Variants in TNFRSF4 observed in about 807,000 individuals in gnomAD.
The protein encoded by TNFRSF4 is TNF receptor superfamily member 4.
In TNFRSF4, 21 loss-of-function variants were observed where a neutral mutation model predicts 29.5. The ratio of observed to expected loss-of-function variants is 0.71; its 90% CI spans 0.51 to 1.03. The LOEUF (loss-of-function observed/expected upper bound fraction) is 1.03, where lower values mean the gene tolerates loss of function less well. Among genes scored for constraint, TNFRSF4 ranks in the 50% least tolerant of loss-of-function variants. TNFRSF4 has a pLI of 0.00. For missense variants in TNFRSF4, 408 were observed against 387.8 expected, an observed-to-expected ratio of 1.05 and a Z score of -0.44; for synonymous variants, 197 against 172.7, an observed-to-expected ratio of 1.14 and a Z score of -1.10.
intron 3 of TNFRSF4, 21 bp downstream of exon 3, chr1:1,212,971 G>T: frequency 6.3e-7 from 1 of 1,599,378 alleles, no homozygotes; most frequent in East Asian, 2.2e-5. Flanking sequence ...CCCAACCGCC[G>T]GCCGCAGCCA....
At chr1:1,212,597 C>G in intron 4 of TNFRSF4, 41 bp downstream of exon 4, 1 of 599,142 alleles carries the variant, frequency 1.7e-6, no homozygotes, top group Non-Finnish European at 2.4e-6. Context: ...ACCACCCCAA[C>G]CCCCCCCCAG....
chr1:1,212,844 C>T, intron 3 of TNFRSF4, 140 bp from the exon 4 acceptor site: 1 of 1,216,248 alleles, frequency 8.2e-7, no homozygotes, highest in Non-Finnish European at 1.1e-6. Context: ...TGCCCACATC[C>T]CACCCGTGGG....
In TNFRSF4 at chr1:1,212,658, C is replaced by T; in HGVS notation, c.417G>A (p.Gln139=). Residue 139 remains glutamine (Q), a synonymous_variant, in exon 4 of 7, where the codon CAG becomes CAA. Transcript: ENST00000379236. The part of the protein sequence containing the change: ...PPGHFSPGDN[Q]ACKPWTNCTL... The stretch of plus-strand genomic sequence containing the variant: ...CTCACTTGGTCCAGGGCTTGCAGGC[C>T]TGGTTGTCGCCTGGGGAGAAGTGCC... 6.5e-7 allele frequency: 1 copy of T among 1,540,330 alleles called. No homozygotes were observed. Among genetic ancestry groups the T allele is most frequent in the Non-Finnish European group, 8.7e-7 (1 of 1,145,984 alleles).
chr1:1,212,660 G>C lies in TNFRSF4; in HGVS notation c.415C>G (p.Gln139Glu). ...CACTTGGTCCAGGGCTTGCAGGCCT[G>C]GTTGTCGCCTGGGGAGAAGTGCCCT... ...PPGHFSPGDN[Q>E]ACKPWTNCTL... Residue 139 changes from glutamine (Q) to glutamate (E), a missense_variant, in exon 4 of 7, where the codon CAG becomes GAG. By Grantham distance (29) the Gln-to-Glu change is conservative. Transcript: ENST00000379236. 6.5e-7 allele frequency: 1 copy of C among 1,537,920 alleles called. No homozygotes were observed. The highest frequency in any genetic ancestry group is 1.5e-5 in the African/African-American group (1 of 64,986).
chr1:1,213,134 G>A lies in TNFRSF4; in HGVS notation c.269-41C>T, dbSNP rs142990442. ...ATGGGGGGGTGGTCAGGTGGGGGCT[G>A]TGGACAGGGTCCTCAGGAAGCGTGG... On this transcript the variant is annotated intron_variant, in intron 2 of 6. Coordinates refer to ENST00000379236, the MANE Select transcript of TNFRSF4 (RefSeq NM_003327.4). 1.9e-4 allele frequency: 296 copies of A among 1,576,924 alleles called. 1 individual carries two copies. The East Asian group carries it at 6.5e-3, about 35-fold the overall frequency.
At position 1,212,130 on chromosome 1, in the gene TNFRSF4, A is replaced by G; in HGVS notation, c.446T>C (p.Leu149Ser). ...QACKPWTNCTLAGKHTLQPAS... is the reference protein window; with the variant it reads ...QACKPWTNCTSAGKHTLQPAS... ...CGGCTGCAGGGTGTGCTTCCCAGCC[A>G]AGGTGCAGCTGTTGGGGAACAGGAG... The change falls in exon 5 of 7, where the codon TTG becomes TCG. Residue 149 changes from leucine to serine, a missense_variant. Transcript: ENST00000379236. 4.3e-6 allele frequency: 7 copies of G among 1,612,526 alleles called. No homozygotes were observed. Among genetic ancestry groups the G allele is most frequent in the African/African-American group, 1.3e-5 (1 of 75,004 alleles).
In TNFRSF4 at chr1:1,213,363, A is replaced by G. The variant is rs1007542887; in HGVS notation, c.269-270T>C. On this transcript the variant is annotated intron_variant, in intron 2 of 6. Coordinates refer to ENST00000379236, the MANE Select transcript of TNFRSF4 (RefSeq NM_003327.4). ...TCCAGCCGCCAGCCCCGCCTGCGGCAGGGTCTCCATGGCCCAACCCCCCAG... is the reference window on the plus strand; with the variant it reads ...TCCAGCCGCCAGCCCCGCCTGCGGCGGGGTCTCCATGGCCCAACCCCCCAG... 2.6e-6 allele frequency: 4 copies of G among 1,530,494 alleles called. No homozygotes were observed. In the African/African-American group the frequency reaches 5.5e-5, roughly 21 times the overall value. The allele number at this position is 1,530,494 out of a possible 1,614,324, so 94.8% of individuals were successfully genotyped here.
In TNFRSF4 at chr1:1,211,465, G is replaced by A; in HGVS notation, c.*90C>T. 1.5e-6 allele frequency: 2 copies of A among 1,300,340 alleles called. No homozygotes were observed. Among genetic ancestry groups the A allele is most frequent in the Non-Finnish European group, 1.0e-6 (1 of 989,186 alleles). The allele number at this position is 1,300,340 out of a possible 1,614,324, so 80.6% of individuals were successfully genotyped here. Reference sequence around the variant, plus strand: ...GCAGAGTTGGCCCAGGAGCGTGGCGGGGCAGGCGGCCTGCACCTGCCCTGC... The same window carrying A: ...GCAGAGTTGGCCCAGGAGCGTGGCGAGGCAGGCGGCCTGCACCTGCCCTGC... On this transcript the variant is annotated 3_prime_UTR_variant, in exon 7 of 7. Coordinates refer to ENST00000379236, the MANE Select transcript of TNFRSF4 (RefSeq NM_003327.4).
chr1:1,211,609 C>T lies in TNFRSF4; in HGVS notation c.780G>A (p.Arg260=). 1 of 1,533,570 alleles carries T rather than the reference C, an allele frequency of 6.5e-7. No homozygotes were observed. Among genetic ancestry groups the T allele is most frequent in the Non-Finnish European group, 8.8e-7 (1 of 1,142,224 alleles). 95.0% of individuals were successfully genotyped at this position (1,533,570 alleles called of 1,614,324 possible). ...CGGCCTGCTCCTCTTGGATGGGGGT[C>T]CGGAAACTGCCTCCCCCTGGGGAGG... ...AHKPPGGGSF[R]TPIQEEQADA... Residue 260 remains arginine (R), a synonymous_variant, in exon 7 of 7, where the codon CGG becomes CGA. Transcript: ENST00000379236.
intron 2 of TNFRSF4, 149 bp from the exon 3 acceptor site, chr1:1,213,242 T>C (rs898878629): frequency 2.6e-6 from 4 of 1,533,954 alleles, no homozygotes; most frequent in Non-Finnish European, 3.5e-6. Flanking sequence ...TTGGAGCCCC[T>C]GCAGCCCCCG....
At position 1,213,730 on chromosome 1, in the gene TNFRSF4, G is replaced by A. The variant is rs764549972; in HGVS notation, c.201C>T (p.Cys67=). The A allele has an allele frequency of 2.2e-5, 36 of 1,601,260 alleles. No individual in the cohort carries two copies. Among genetic ancestry groups the A allele is most frequent in the South Asian group, 4.5e-5 (4 of 88,838 alleles). The change falls in exon 2 of 7, where the codon TGC becomes TGT. Residue 67 remains cysteine, a synonymous_variant. Transcript: ENST00000379236. ...SRSQNTVCRP[C]GPGFYNDVVS... ...CCACGTCGTTGTAGAAGCCCGGCCC[G>A]CACGGACGGCACACCGTGTTCTGGG...
intron 2 of TNFRSF4, chr1:1,213,408 A>C: frequency 2.6e-6 from 4 of 1,531,944 alleles, no homozygotes; most frequent in Non-Finnish European, 3.5e-6. Flanking sequence ...TCAGGCCAGC[A>C]AGGCCAGGCC....
rs1030946939 is a variant in TNFRSF4 at position 1,213,097 on chromosome 1, A to T, written c.269-4T>A. On this transcript the variant is annotated splice_region_variant and splice_polypyrimidine_tract_variant and intron_variant, in intron 2 of 6. Transcript: ENST00000379236. ...TGCTTCCGCTCACTCCCACTTCCTG[A>T]GCAGGGGCCGGATGGGGGGGTGGTC... The T allele has an allele frequency of 1.2e-6, 2 of 1,607,288 alleles. No individual in the cohort carries two copies. The highest frequency in any genetic ancestry group is 2.7e-5 in the African/African-American group (2 of 74,812).
chr1:1,212,156 G>T lies in TNFRSF4; in HGVS notation c.438-18C>A. 6.2e-7 allele frequency: 1 copy of T among 1,611,968 alleles called. No individual in the cohort carries two copies. Among genetic ancestry groups the T allele is most frequent in the Non-Finnish European group, 8.5e-7 (1 of 1,179,568 alleles). On this transcript the variant is annotated intron_variant, in intron 4 of 6. Coordinates refer to ENST00000379236, the MANE Select transcript of TNFRSF4 (RefSeq NM_003327.4). ...AGGTGCAGCTGTTGGGGAACAGGAG[G>T]TGTTGCTCAGGCCAGAAACCCCCTG...
intron 1 of TNFRSF4, 88 bp from the exon 2 acceptor site, chr1:1,213,873 C>T (rs1020310241): frequency 1.6e-4 from 234 of 1,470,080 alleles, no homozygotes; most frequent in Non-Finnish European, 1.9e-4. Flanking sequence ...CAGGCTTGGC[C>T]GGCCCCTCAC....
rs1649125971 is a variant in TNFRSF4 at position 1,211,776 on chromosome 1, G to A, written c.691C>T (p.Leu231=). Residue 231 remains leucine (L), a synonymous_variant, in exon 6 of 7, where the codon CTG becomes TTG. Coordinates refer to ENST00000379236, the MANE Select transcript of TNFRSF4 (RefSeq NM_003327.4). Reference sequence around the variant, plus strand: ...AGGTACAGGGCCAGCAGGATGGCCAGGGGGCCCAGCAGCCCCAGCACCAGG... The same window carrying A: ...AGGTACAGGGCCAGCAGGATGGCCAAGGGGCCCAGCAGCCCCAGCACCAGG... ...LGLVLGLLGP[L]AILLALYLLR... The A allele has an allele frequency of 1.3e-6, 2 of 1,562,082 alleles. No individual in the cohort carries two copies. The highest frequency in any genetic ancestry group is 1.7e-6 in the Non-Finnish European group (2 of 1,156,256).
Position 1,211,971 on chromosome 1 carries a change from G to A in TNFRSF4, c.605C>T (p.Pro202Leu). The change falls in exon 5 of 7, where the codon CCC becomes CTC. Residue 202 changes from proline to leucine, a missense_variant. Pro to Leu is a moderately conservative substitution (Grantham distance 98). Transcript: ENST00000379236. Reference protein sequence around the residue: ...TEAWPRTSQGPSTRPVEVPGG... With the variant: ...TEAWPRTSQGLSTRPVEVPGG... ...GGGGACCTCCACGGGCCGGGTGGAG[G>A]GTCCCTGTGAGGTTCTGGGCCAGGC... The A allele has an allele frequency of 1.3e-6, 2 of 1,592,192 alleles. No homozygotes were observed. The highest frequency in any genetic ancestry group is 1.7e-6 in the Non-Finnish European group (2 of 1,170,090).
intron 2 of TNFRSF4, 142 bp from the exon 3 acceptor site, chr1:1,213,235 G>C (rs562538510): frequency 1.3e-6 from 2 of 1,534,538 alleles, no homozygotes; most frequent in East Asian, 2.4e-5. Flanking sequence ...CTGAGACTTG[G>C]AGCCCCTGCA....
At chr1:1,211,903 G>A (rs769820211) in intron 5 of TNFRSF4, 39 bp downstream of exon 5, 60 of 1,508,634 alleles carry the variant, frequency 4.0e-5, no homozygotes, top group Middle Eastern at 3.6e-4. Flanking sequence ...TCTCCTATTC[G>A]GGTTGGGGGC....
Sources: gnomAD v4.1 joint callset for allele counts on GRCh38, gnomAD v4.1.1 for gene constraint, MANE v1.5 for transcripts, NCBI Gene and HGNC (gene_info 2026-07-23, HGNC 2026-07-21) for gene names.